Variants in PLD5 observed in about 807,000 individuals in gnomAD.
PLD5 encodes inactive phospholipase D5.
Under a neutral mutation model 61.1 loss-of-function variants are expected in PLD5, and 36 were observed. That is an observed-to-expected ratio of 0.59 (90% CI 0.45 to 0.78). The LOEUF (loss-of-function observed/expected upper bound fraction) is 0.78. PLD5 is among the 30% of genes least tolerant of loss of function. The pLI is 0.00. For missense variants in PLD5, 515 were observed against 644.4 expected (o/e 0.80, Z 2.17); for synonymous variants, 243 against 242.8 (o/e 1.00, Z -0.01).
At chr1:242,297,125 C>T (rs7554294) in intron 2 of PLD5, among the ~76,000 whole-genome samples, 134,562 of 152,014 alleles carry the variant, frequency 0.89, 59,726 homozygotes, top group East Asian at 0.94. Context: ...GCAAGCAGAT[C>T]ATGAGGTCAA....
chr1:242,100,581 C>T, intron 9 of PLD5, 87 bp downstream of exon 9: 1 of 954,174 alleles, frequency 1.0e-6, no homozygotes, highest in Non-Finnish European at 1.7e-6. Flanking sequence ...GGCCTTGCTT[C>T]CTCACCAGGG....
Position 242,164,386 on chromosome 1 carries a change from A to G in PLD5, c.736-39721T>C, listed in dbSNP as rs550629985. 1.5e-3 allele frequency among the ~76,000 whole-genome samples: 207 copies of G among 133,722 alleles called. 1 individual carries two copies. The highest frequency in any genetic ancestry group is 2.4e-3 in the Non-Finnish European group (154 of 63,076). 87.7% of individuals were successfully genotyped at this position (133,722 alleles called of 152,430 possible). A position where few individuals can be genotyped will look rare whatever the true frequency, so the allele number is the denominator to read the frequency against. On this transcript the variant is annotated intron_variant, in intron 5 of 9. Transcript: ENST00000536534. ...CTGGAAGGTTCTATTAAATTTTTCC[A>G]GTGAATTGACAAATATTAAAAAAAA...
chr1:242,117,312 T>G (rs1309345543), intron 6 of PLD5, among the ~76,000 whole-genome samples: 1 of 152,102 alleles, frequency 6.6e-6, no homozygotes, highest in Admixed American at 6.6e-5. Flanking sequence ...GGCTCATGTG[T>G]CTTTATTTTT....
intron 5 of PLD5, among the ~76,000 whole-genome samples, chr1:242,143,149 T>C (rs1386940639): frequency 1.3e-5 from 2 of 152,118 alleles, no homozygotes; most frequent in Admixed American, 6.6e-5. Flanking sequence ...TGCCTCAGCC[T>C]CACAAGTAGC....
intron 4 of PLD5, among the ~76,000 whole-genome samples, chr1:242,250,144 C>T (rs1335192165): frequency 6.6e-6 from 1 of 152,174 alleles, no homozygotes; most frequent in Non-Finnish European, 1.5e-5. Context: ...ATTGCTTAGT[C>T]TCTCCCAGAG....
intron 5 of PLD5, among the ~76,000 whole-genome samples, chr1:242,153,745 G>A (rs1665126969): frequency 6.6e-6 from 1 of 152,030 alleles, no homozygotes; most frequent in African/African-American, 2.4e-5. Flanking sequence ...ATGCTGTTTT[G>A]GTTACTGTAG....
rs1408538085 is a variant in PLD5, at chr1:242,167,105, AT to A, written c.736-42441del. Among the ~76,000 whole-genome samples the A allele has an allele frequency of 6.9e-5, 10 of 144,964 alleles. No individual in the cohort carries two copies. The East Asian group carries it at 8.1e-4, about 12-fold the overall frequency. ...AATAATAATAATAATAATAATAATA[AT>A]AATAATAATAAATAGTAGCCATGTT... is the stretch of plus-strand genomic sequence containing the variant. On this transcript the variant is annotated intron_variant, in intron 5 of 9. Coordinates refer to ENST00000536534, the MANE Select transcript of PLD5 (RefSeq NM_001372062.1).
chr1:242,494,036 T>G (rs1208159602), intron 1 of PLD5, among the ~76,000 whole-genome samples: 1 of 151,806 alleles, frequency 6.6e-6, no homozygotes, highest in Non-Finnish European at 1.5e-5. Flanking sequence ...TTATTTGCCT[T>G]TGCATTGGTA....
intron 5 of PLD5, among the ~76,000 whole-genome samples, chr1:242,151,711 T>G (rs1017285341): frequency 6.6e-6 from 1 of 152,158 alleles, no homozygotes; most frequent in African/African-American, 2.4e-5. Context: ...TCATTAATTT[T>G]TGGAACATTC....
chr1:242,342,113 C>T (rs1375015471), intron 2 of PLD5, among the ~76,000 whole-genome samples: 2 of 152,142 alleles, frequency 1.3e-5, no homozygotes, highest in Admixed American at 6.5e-5. Context: ...AATTAATTTC[C>T]ATATTGTCAT....
rs565732431 is a variant in PLD5, at chr1:242,160,605, G to A, written c.736-35940C>T. ...ATTGACACTGGAAAATGTGTATTTT[G>A]GCCGAGTGTGGTGGCTCTCGCCTGT... On this transcript the variant is annotated intron_variant, in intron 5 of 9. Coordinates refer to ENST00000536534, the MANE Select transcript of PLD5 (RefSeq NM_001372062.1). Among the ~76,000 whole-genome samples the A allele has an allele frequency of 3.3e-5, 5 of 152,242 alleles. 1 individual carries two copies. In the South Asian group the frequency reaches 1.0e-3, roughly 32 times the overall value.
chr1:242,347,173 G>A (rs1489926763), intron 2 of PLD5, among the ~76,000 whole-genome samples: 2 of 152,146 alleles, frequency 1.3e-5, no homozygotes, highest in African/African-American at 2.4e-5. Flanking sequence ...AACATTTCCT[G>A]CAACAGAACA....
intron 1 of PLD5, among the ~76,000 whole-genome samples, chr1:242,394,444 G>GAACA (rs1304233669): frequency 1.2e-4 from 11 of 94,344 alleles, no homozygotes; most frequent in South Asian, 1.1e-3. Context: ...GTATATATGT[G>GAACA]TGTATATGAG....
chr1:242,198,701 C>CAAAAAAAAAAAAAAAAAAAAAAAATAAAA (rs10603005), intron 5 of PLD5, among the ~76,000 whole-genome samples: 1 of 51,566 alleles, frequency 1.9e-5, no homozygotes, highest in Non-Finnish European at 4.0e-5. Context: ...AAGTCCTTAG[C>CAAAAAAAAAAAAAAAAAAAAAAAATAAAA]AAAAAAAAAA....
rs557151378 is a variant in PLD5 at position 242,155,711 on chromosome 1, G to C, written c.736-31046C>G. Among the ~76,000 whole-genome samples, 3 of 152,296 alleles carry C rather than the reference G, an allele frequency of 2.0e-5. No homozygotes were observed. The South Asian group carries it at 6.2e-4, about 32-fold the overall frequency. On this transcript the variant is annotated intron_variant, in intron 5 of 9. Transcript: ENST00000536534. ...CTAATTTGATTGCAGTGTTGTCTGA[G>C]AGACTGTTTATTAGGATTTCCATTC...
intron 1 of PLD5, among the ~76,000 whole-genome samples, chr1:242,426,697 G>A (rs1296440572): frequency 6.6e-6 from 1 of 152,210 alleles, no homozygotes; most frequent in African/African-American, 2.4e-5. Flanking sequence ...AACAGGAAAT[G>A]CAATATAAGC....
chr1:242,390,023 T>TA (rs1662834307), intron 1 of PLD5, among the ~76,000 whole-genome samples: 1 of 54,760 alleles, frequency 1.8e-5, no homozygotes, highest in African/African-American at 6.0e-5. Context: ...TAATAATAAT[T>TA]ATTATTATTA....
intron 5 of PLD5, among the ~76,000 whole-genome samples, chr1:242,194,580 AT>A (rs1668486638): frequency 1.5e-5 from 1 of 68,862 alleles, no homozygotes; most frequent in African/African-American, 7.3e-5. Flanking sequence ...CTATCTATCT[AT>A]CTATCTATCT....
chr1:242,470,345 GA>G (rs1023904685), intron 1 of PLD5, among the ~76,000 whole-genome samples: 83 of 114,084 alleles, frequency 7.3e-4, no homozygotes, highest in African/African-American at 1.3e-3. Context: ...CGGTCTCAAA[GA>G]AAAAAAAAAA....
Sources: gnomAD v4.1 joint callset for allele counts (sites outside exome capture counted in the v4.1 genomes callset) on GRCh38, gnomAD v4.1.1 for gene constraint, MANE v1.5 for transcripts, NCBI Gene and HGNC (gene_info 2026-07-23, HGNC 2026-07-21) for gene names.